The following FAM53B variants were observed in gnomAD, a reference collection of about 807,000 sequenced individuals.
FAM53B encodes the protein protein FAM53B.
A neutral mutation model predicts 32.7 loss-of-function variants in FAM53B; 12 were observed. The observed-to-expected ratio is 0.37, with a 90% confidence interval of 0.24 to 0.59. The LOEUF is 0.59. Among genes scored for constraint, FAM53B ranks in the 20% least tolerant of loss-of-function variants. FAM53B has a pLI of 0.72. For missense variants in FAM53B, 477 were observed against 577.7 expected, an observed-to-expected ratio of 0.83 and a Z score of 1.79; for synonymous variants, 234 against 228.7, an observed-to-expected ratio of 1.02 and a Z score of -0.21.
At chr10:124,742,962 G>A (rs1002707270) in intron 1 of FAM53B, 1 of 152,258 alleles carries the variant, frequency 6.6e-6, no homozygotes, top group South Asian at 2.1e-4. Context: ...ATCGTCCTAA[G>A]TACAGTACGT....
chr10:124,730,636 G>A (rs1043051636), intron 1 of FAM53B, among the ~76,000 whole-genome samples: 1 of 152,214 alleles, frequency 6.6e-6, no homozygotes, highest in Non-Finnish European at 1.5e-5. Context: ...GGAACACTCT[G>A]CAATGACAGC....
intron 3 of FAM53B, among the ~76,000 whole-genome samples, chr10:124,684,519 TA>T (rs869179331): frequency 4.6e-5 from 7 of 152,088 alleles, no homozygotes; most frequent in African/African-American, 1.4e-4. Context: ...TAATATACAG[TA>T]AAAAAAAATT....
intron 4 of FAM53B, among the ~76,000 whole-genome samples, chr10:124,634,363 G>C (rs1190660976): frequency 2.0e-5 from 3 of 152,230 alleles, no homozygotes; most frequent in Non-Finnish European, 4.4e-5. Flanking sequence ...GAAACCCACT[G>C]ATACGGTTTG....
chr10:124,709,691 G>C (rs1282388856), intron 1 of FAM53B, among the ~76,000 whole-genome samples: 1 of 152,130 alleles, frequency 6.6e-6, no homozygotes, highest in Non-Finnish European at 1.5e-5. Context: ...TGTTACATAA[G>C]GGAATACCAT....
At chr10:124,687,092 A>C (rs895373089) in intron 3 of FAM53B, among the ~76,000 whole-genome samples, 1 of 152,270 alleles carries the variant, frequency 6.6e-6, no homozygotes, top group African/African-American at 2.4e-5. Flanking sequence ...AAAAACAATC[A>C]AGGCTATGTT....
At chr10:124,713,308 C>A (rs1395718496) in intron 1 of FAM53B, 1 of 152,224 alleles carries the variant, frequency 6.6e-6, no homozygotes, top group Non-Finnish European at 1.5e-5. Context: ...AGGGGCAAGA[C>A]CAGGATTCAA....
intron 4 of FAM53B, among the ~76,000 whole-genome samples, chr10:124,665,634 T>C (rs1949665924): frequency 1.3e-5 from 2 of 152,088 alleles, no homozygotes; most frequent in South Asian, 4.1e-4. Context: ...GCTAGATGGG[T>C]GAGAAAACCA....
At chr10:124,637,315 G>A (rs1949439397) in intron 4 of FAM53B, among the ~76,000 whole-genome samples, 1 of 152,178 alleles carries the variant, frequency 6.6e-6, no homozygotes, top group South Asian at 2.1e-4. Flanking sequence ...CAGGACGTGG[G>A]TGCCTGGCTT....
chr10:124,707,517 C>T (rs947308589), intron 1 of FAM53B, among the ~76,000 whole-genome samples: 1 of 152,202 alleles, frequency 6.6e-6, no homozygotes, highest in Non-Finnish European at 1.5e-5. Context: ...GCAGGTGGAT[C>T]ACCTGAGGTC....
intron 4 of FAM53B, among the ~76,000 whole-genome samples, chr10:124,629,366 G>C (rs1949376342): frequency 6.6e-6 from 1 of 152,248 alleles, no homozygotes; most frequent in South Asian, 2.1e-4. Flanking sequence ...TGCTCCTCAT[G>C]GCGGGACCAG....
At chr10:124,657,287 ATTTTG>A (rs768451268) in intron 4 of FAM53B, among the ~76,000 whole-genome samples, 22 of 151,802 alleles carry the variant, frequency 1.4e-4, no homozygotes, top group Non-Finnish European at 2.6e-4. Context: ...AAGCTAATAT[ATTTTG>A]TTTTAACTCA....
At chr10:124,683,935 A>G (rs893198179) in intron 3 of FAM53B, among the ~76,000 whole-genome samples, 1 of 152,234 alleles carries the variant, frequency 6.6e-6, no homozygotes, top group Non-Finnish European at 1.5e-5. Context: ...TGATTGACTC[A>G]ACGGGAATGA....
At chr10:124,640,755 G>A (rs953425518) in intron 4 of FAM53B, among the ~76,000 whole-genome samples, 1 of 152,186 alleles carries the variant, frequency 6.6e-6, no homozygotes, top group Non-Finnish European at 1.5e-5. Flanking sequence ...GGAGTGAGTG[G>A]GGAGGATCTA....
intron 4 of FAM53B, among the ~76,000 whole-genome samples, chr10:124,625,762 C>CAA (rs1949344033): frequency 6.6e-6 from 1 of 152,190 alleles, no homozygotes; most frequent in Non-Finnish European, 1.5e-5. Flanking sequence ...GAGTAGGGGG[C>CAA]ACAAAACAGG....
At chr10:124,742,715 G>A (rs892080197) in intron 1 of FAM53B, 1 of 152,244 alleles carries the variant, frequency 6.6e-6, no homozygotes, top group Non-Finnish European at 1.5e-5. Context: ...TGTTCCTGTT[G>A]AACAACCGTC....
At chr10:124,699,952 T>C (rs1171413728) in intron 2 of FAM53B, among the ~76,000 whole-genome samples, 13 of 152,104 alleles carry the variant, frequency 8.5e-5, no homozygotes, top group South Asian at 4.1e-4. Context: ...CTTCAGGGAG[T>C]TCTCTTTCGG....
chr10:124,691,787 C>T (rs1374208609), intron 3 of FAM53B, among the ~76,000 whole-genome samples: 1 of 152,228 alleles, frequency 6.6e-6, no homozygotes, highest in Non-Finnish European at 1.5e-5. Flanking sequence ...CTGGGTCCCC[C>T]ACTGCAAGTG....
intron 1 of FAM53B, among the ~76,000 whole-genome samples, chr10:124,739,050 A>C (rs550470078): frequency 2.6e-4 from 39 of 150,118 alleles, no homozygotes; most frequent in South Asian, 1.0e-3. Flanking sequence ...AAACAAAAAA[A>C]AAAAAACAAA....
intron 4 of FAM53B, among the ~76,000 whole-genome samples, chr10:124,633,246 G>GC (rs1949403191): frequency 1.5e-5 from 2 of 135,778 alleles, no homozygotes; most frequent in African/African-American, 5.8e-5. Context: ...AAAATTGATA[G>GC]AAAAAAAAAA....
Sources: gnomAD v4.1 joint callset for allele counts (sites outside exome capture counted in the v4.1 genomes callset) on GRCh38, gnomAD v4.1.1 for gene constraint, MANE v1.5 for transcripts, NCBI Gene and HGNC (gene_info 2026-07-23, HGNC 2026-07-21) for gene names.